ZNF277: variants seen among roughly 807,000 people sequenced by gnomAD.
The protein encoded by ZNF277 is zinc finger protein 277.
A neutral mutation model predicts 60.7 loss-of-function variants in ZNF277; 55 were observed. The ratio of observed to expected loss-of-function variants is 0.91; its 90% CI spans 0.73 to 1.13. ZNF277 has a LOEUF of 1.13. Ranked by LOEUF, ZNF277 falls within the 50% of genes most tolerant of loss-of-function variation. The probability of loss-of-function intolerance (pLI) is 0.00; values close to 1 mark genes in which losing one functional copy is unlikely to be tolerated. For synonymous variants in ZNF277, 178 were observed against 179.3 expected (o/e 0.99, Z 0.06); for missense variants, 510 against 523.0 (o/e 0.98, Z 0.24).
intron 1 of ZNF277, among the ~76,000 whole-genome samples, chr7:112,233,652 A>C (rs2116981786): frequency 6.6e-6 from 1 of 152,302 alleles, no homozygotes; most frequent in South Asian, 2.1e-4. Flanking sequence ...TAAAATGGTT[A>C]GAATAGTTGG....
At chr7:112,294,390 G>T (rs546576338) in intron 2 of ZNF277, among the ~76,000 whole-genome samples, 1 of 152,284 alleles carries the variant, frequency 6.6e-6, no homozygotes, top group Admixed American at 6.5e-5. Flanking sequence ...CTTCTTCTGA[G>T]ATTTCTAATA....
intron 5 of ZNF277, among the ~76,000 whole-genome samples, 184 bp from the exon 6 acceptor site, chr7:112,327,533 C>G (rs914158962): frequency 6.6e-6 from 1 of 152,188 alleles, no homozygotes; most frequent in Non-Finnish European, 1.5e-5. Context: ...CTTTACAGAA[C>G]TGATGTGACT....
chr7:112,235,683 A>G (rs1822469161), intron 1 of ZNF277, among the ~76,000 whole-genome samples: 1 of 151,976 alleles, frequency 6.6e-6, no homozygotes, highest in African/African-American at 2.4e-5. Context: ...TGATTTTCAG[A>G]TATTTTCTCC....
chr7:112,322,300 G>T (rs1793002518), intron 5 of ZNF277, among the ~76,000 whole-genome samples: 1 of 151,764 alleles, frequency 6.6e-6, no homozygotes, highest in Admixed American at 6.6e-5. Context: ...TCTCCTTTTG[G>T]AGCATATTAT....
At chr7:112,228,607 C>T (rs977682614) in intron 1 of ZNF277, among the ~76,000 whole-genome samples, 1 of 151,900 alleles carries the variant, frequency 6.6e-6, no homozygotes, top group Non-Finnish European at 1.5e-5. Context: ...TTGAATGGAG[C>T]ATATTAAATA....
At chr7:112,308,251 C>T (rs1050174874) in intron 4 of ZNF277, among the ~76,000 whole-genome samples, 6 of 151,944 alleles carry the variant, frequency 3.9e-5, no homozygotes, top group Non-Finnish European at 8.8e-5. Flanking sequence ...TGCGGTGGCT[C>T]ACTCCTGTAA....
At chr7:112,291,610 T>C (rs568209757) in intron 2 of ZNF277, among the ~76,000 whole-genome samples, 3 of 151,112 alleles carry the variant, frequency 2.0e-5, no homozygotes, top group African/African-American at 7.4e-5. Context: ...ATTTGAACAG[T>C]GTTCTAGTGA....
chr7:112,282,427 C>T lies in ZNF277; in HGVS notation c.92-4446C>T, dbSNP rs147720513. Among the ~76,000 whole-genome samples, 687 of 152,340 alleles carry T rather than the reference C, an allele frequency of 4.5e-3. 2 individuals carry two copies. The highest frequency in any genetic ancestry group is 6.6e-3 in the Non-Finnish European group (451 of 68,024). On this transcript the variant is annotated intron_variant, in intron 1 of 11. Coordinates refer to ENST00000361822, the MANE Select transcript of ZNF277 (RefSeq NM_021994.3). The stretch of plus-strand genomic sequence containing the variant: ...TTTAAAATATAATTTATTATCCTTC[C>T]CTGCCATAAAACAAACAAAACCTGC...
At chr7:112,317,953 T>A (rs1022030569) in intron 4 of ZNF277, among the ~76,000 whole-genome samples, 7 of 152,050 alleles carry the variant, frequency 4.6e-5, no homozygotes, top group African/African-American at 1.7e-4. Flanking sequence ...GGTAAAACCT[T>A]GTTGATTTTA....
chr7:112,291,916 T>G (rs1792214538), intron 2 of ZNF277, among the ~76,000 whole-genome samples: 1 of 152,216 alleles, frequency 6.6e-6, no homozygotes, highest in Non-Finnish European at 1.5e-5. Context: ...GGTTATATTT[T>G]GCTTTGTAAC....
chr7:112,287,822 C>T (rs1021991160), intron 2 of ZNF277: 1 of 152,202 alleles, frequency 6.6e-6, no homozygotes, highest in African/African-American at 2.4e-5. Context: ...CCACTGCACC[C>T]AGCCAACTTC....
At chr7:112,208,518 C>T (rs1388005074) in intron 1 of ZNF277, among the ~76,000 whole-genome samples, 1 of 151,260 alleles carries the variant, frequency 6.6e-6, no homozygotes, top group African/African-American at 2.4e-5. Flanking sequence ...TGAAAATTCC[C>T]TCACCTCACA....
chr7:112,322,294 C>CT (rs1247373275), intron 5 of ZNF277, among the ~76,000 whole-genome samples: 1 of 151,986 alleles, frequency 6.6e-6, no homozygotes, highest in African/African-American at 2.4e-5. Context: ...CTTTGCTCTC[C>CT]TTTTGGAGCA....
chr7:112,222,073 G>C (rs1407961217), intron 1 of ZNF277, among the ~76,000 whole-genome samples: 2 of 152,162 alleles, frequency 1.3e-5, no homozygotes, highest in East Asian at 1.9e-4. Flanking sequence ...GATTCTTTCA[G>C]TGTGCTGTTG....
chr7:112,312,058 A>G (rs1053746909), intron 4 of ZNF277, among the ~76,000 whole-genome samples: 12 of 152,148 alleles, frequency 7.9e-5, no homozygotes, highest in South Asian at 4.1e-4. Context: ...CACCCTGTCT[A>G]TAATGCCCAG....
intron 4 of ZNF277, among the ~76,000 whole-genome samples, chr7:112,315,335 G>A (rs756218353): frequency 1.3e-5 from 2 of 152,072 alleles, no homozygotes; most frequent in Non-Finnish European, 2.9e-5. Flanking sequence ...AAGGAAGAAC[G>A]GAAGGTCTAA....
At chr7:112,247,091 A>G (rs948931595) in intron 1 of ZNF277, among the ~76,000 whole-genome samples, 1 of 152,114 alleles carries the variant, frequency 6.6e-6, no homozygotes, top group Non-Finnish European at 1.5e-5. Context: ...ATCACTAATC[A>G]ATGTTTTTGT....
intron 7 of ZNF277, among the ~76,000 whole-genome samples, chr7:112,334,437 A>G (rs946781297): frequency 4.1e-5 from 5 of 123,126 alleles, no homozygotes; most frequent in African/African-American, 6.3e-5. Context: ...TCTTGTTTCT[A>G]TAATAAATCA....
chr7:112,337,693 G>T (rs916670462), intron 8 of ZNF277, 37 bp from the exon 9 acceptor site: 2 of 1,570,682 alleles, frequency 1.3e-6, no homozygotes, highest in Non-Finnish European at 1.7e-6. Context: ...CTTAATGAAG[G>T]GAATCTCCGT....
Sources: allele counts gnomAD v4.1 joint callset (sites outside exome capture counted in the v4.1 genomes callset), GRCh38; gene constraint gnomAD v4.1.1; transcripts MANE v1.5; gene names NCBI Gene and HGNC (gene_info 2026-07-23, HGNC 2026-07-21).